Variants in ARHGEF38 observed in about 807,000 individuals in gnomAD.
The protein encoded by ARHGEF38 is Rho guanine nucleotide exchange factor 38.
Under a neutral mutation model 79.9 loss-of-function variants are expected in ARHGEF38, and 79 were observed. That is an observed-to-expected ratio of 0.99 (90% CI 0.82 to 1.19). The LOEUF is 1.19. Among genes scored for constraint, ARHGEF38 ranks in the 50% most tolerant of loss-of-function variants. The pLI is 0.00. For missense variants in ARHGEF38, 962 were observed against 907.2 expected (o/e 1.06, Z -0.78); for synonymous variants, 366 against 328.3 (o/e 1.11, Z -1.24).
At position 105,670,791 on chromosome 4, in the gene ARHGEF38, A is replaced by G. The variant is rs1003349083; in HGVS notation, c.2148+3088A>G. ...TCCTGTCAGACTTTGCCTTGTCCCA[A>G]TAACCTAGATGGACAGAAATCTGAG... On this transcript the variant is annotated intron_variant, in intron 13 of 13. Coordinates refer to ENST00000420470, the MANE Select transcript of ARHGEF38 (RefSeq NM_001242729.2). Among the ~76,000 whole-genome samples, 68 of 152,314 alleles carry G rather than the reference A, an allele frequency of 4.5e-4. 1 individual carries two copies. Among genetic ancestry groups the G allele is most frequent in the African/African-American group, 1.6e-3 (65 of 41,568 alleles).
rs542615010 is a variant in ARHGEF38, at chr4:105,623,746, G to A, written c.509-7152G>A. On this transcript the variant is annotated intron_variant, in intron 3 of 13. Transcript: ENST00000420470. ...TACTGAGACAAAAACAGTAAGAGCT[G>A]ATTTGCCCAATTTATATTAGTAACT... 3.3e-5 allele frequency among the ~76,000 whole-genome samples: 5 copies of A among 152,298 alleles called. No individual in the cohort carries two copies. The South Asian group carries it at 1.0e-3, about 32-fold the overall frequency.
rs77672332 is a variant in ARHGEF38, at chr4:105,647,565, T to A, written c.875-984T>A. Among the ~76,000 whole-genome samples the A allele has an allele frequency of 9.8e-3, 1,492 of 152,330 alleles. 9 individuals are homozygous for A. Among genetic ancestry groups the A allele is most frequent in the Non-Finnish European group, 0.016 (1,111 of 68,020 alleles). On this transcript the variant is annotated intron_variant, in intron 6 of 13. Coordinates refer to ENST00000420470, the MANE Select transcript of ARHGEF38 (RefSeq NM_001242729.2). ...GTATACTTGATTATGGAAAGCAGATTCTCTGCATGAACTTCCTGGTAATAG... is the reference window on the plus strand; with the variant it reads ...GTATACTTGATTATGGAAAGCAGATACTCTGCATGAACTTCCTGGTAATAG...
At position 105,629,627 on chromosome 4, in the gene ARHGEF38, A is replaced by G. The variant is rs181789410; in HGVS notation, c.509-1271A>G. On this transcript the variant is annotated intron_variant, in intron 3 of 13. Coordinates refer to ENST00000420470, the MANE Select transcript of ARHGEF38 (RefSeq NM_001242729.2). ...GTTTTGAGAGCTGACCCTGTCACAT[A>G]TTGCTTGGATATCTGCCAAATAATT... Among the ~76,000 whole-genome samples the G allele has an allele frequency of 5.5e-5, 7 of 126,370 alleles. No individual in the cohort carries two copies. The East Asian group carries it at 1.5e-3, about 26-fold the overall frequency. The allele number at this position is 126,370 out of a possible 152,430, so 82.9% of individuals were successfully genotyped here.
At position 105,667,985 on chromosome 4, in the gene ARHGEF38, A is replaced by T. The variant is rs562480261; in HGVS notation, c.2148+282A>T. Among the ~76,000 whole-genome samples, 16 of 152,312 alleles carry T rather than the reference A, an allele frequency of 1.1e-4. No homozygotes were observed. In the East Asian group the frequency reaches 3.1e-3, roughly 29 times the overall value. On this transcript the variant is annotated intron_variant, in intron 13 of 13. Transcript: ENST00000420470. Reference sequence around the variant, plus strand: ...ATTACTATTACTACCCTGCTGTTACATACTTACAGCAAAGTATCTTTTTAT... The same window carrying T: ...ATTACTATTACTACCCTGCTGTTACTTACTTACAGCAAAGTATCTTTTTAT...
intron 2 of ARHGEF38, 66 bp from the exon 3 acceptor site, chr4:105,613,318 T>C (rs1728374672): frequency 6.5e-7 from 1 of 1,542,212 alleles, no homozygotes; most frequent in African/African-American, 1.4e-5. Flanking sequence ...ATGCTTACTG[T>C]TTAGGAGGAG....
intron 3 of ARHGEF38, among the ~76,000 whole-genome samples, chr4:105,628,548 A>T (rs1034892858): frequency 6.6e-6 from 1 of 152,184 alleles, no homozygotes; most frequent in African/African-American, 2.4e-5. Flanking sequence ...AATCCATATG[A>T]CCTACACTAG....
chr4:105,598,327 C>T (rs1727671898), intron 2 of ARHGEF38, among the ~76,000 whole-genome samples: 1 of 152,126 alleles, frequency 6.6e-6, no homozygotes, highest in African/African-American at 2.4e-5. Flanking sequence ...GATATCCAAA[C>T]CAGGCTGATA....
At chr4:105,566,549 C>A (rs1725898050) in intron 1 of ARHGEF38, among the ~76,000 whole-genome samples, 1 of 152,108 alleles carries the variant, frequency 6.6e-6, no homozygotes. Context: ...AGCATTTATC[C>A]TTTGTGTTAC....
At position 105,679,699 on chromosome 4, in the gene ARHGEF38, C is replaced by T; in HGVS notation, c.*1762C>T. 3 of 794,982 alleles carry T rather than the reference C, an allele frequency of 3.8e-6. No homozygotes were observed. The highest frequency in any genetic ancestry group is 6.8e-6 in the Non-Finnish European group (3 of 439,346). 49.2% of individuals were successfully genotyped at this position (794,982 alleles called of 1,614,324 possible). A position where few individuals can be genotyped will look rare whatever the true frequency, so the allele number is the denominator to read the frequency against. ...ATCCATTGTAGAAGGAACACCTACA[C>T]ATTTAAAAGTAATTTGTGTTTTTTG... On this transcript the variant is annotated 3_prime_UTR_variant, in exon 14 of 14. Transcript: ENST00000420470.
chr4:105,561,505 GAATAGAATAGAATAGAATAGAATA>G, intron 1 of ARHGEF38: 1 of 146,826 alleles, frequency 6.8e-6, no homozygotes, highest in Admixed American at 6.8e-5. Flanking sequence ...GAATAGAATA[GAATAGAATAGAATAGAATAGAATA>G]GAATAGAATA....
At chr4:105,676,938 G>A (rs181710867) in intron 13 of ARHGEF38, among the ~76,000 whole-genome samples, 253 of 151,440 alleles carry the variant, frequency 1.7e-3, no homozygotes, top group African/African-American at 4.8e-3. Flanking sequence ...GTCTCAGAAA[G>A]CATCGTTTTT....
intron 3 of ARHGEF38, among the ~76,000 whole-genome samples, chr4:105,621,131 T>C (rs753958526): frequency 6.6e-6 from 1 of 152,172 alleles, no homozygotes; most frequent in African/African-American, 2.4e-5. Flanking sequence ...TCTCGGACAT[T>C]AAAACCCAGA....
intron 2 of ARHGEF38, among the ~76,000 whole-genome samples, chr4:105,602,050 G>C (rs1218470400): frequency 1.3e-5 from 2 of 152,124 alleles, no homozygotes; most frequent in Non-Finnish European, 2.9e-5. Context: ...GAAATGAGTG[G>C]ATGAACAACT....
At chr4:105,644,101 C>G (rs1407020364) in intron 5 of ARHGEF38, among the ~76,000 whole-genome samples, 1 of 151,954 alleles carries the variant, frequency 6.6e-6, no homozygotes, top group African/African-American at 2.4e-5. Context: ...CTCCTGGGCT[C>G]AAGTAATCTG....
At chr4:105,636,882 A>T (rs1280242838) in intron 5 of ARHGEF38, among the ~76,000 whole-genome samples, 1 of 152,136 alleles carries the variant, frequency 6.6e-6, no homozygotes, top group Non-Finnish European at 1.5e-5. Flanking sequence ...GGAGAAAAAA[A>T]TCATACACAT....
At chr4:105,602,649 G>A (rs1727873308) in intron 2 of ARHGEF38, among the ~76,000 whole-genome samples, 1 of 152,074 alleles carries the variant, frequency 6.6e-6, no homozygotes, top group African/African-American at 2.4e-5. Context: ...TAGTGGTACA[G>A]CTAATAGATG....
At chr4:105,628,430 C>T (rs941946662) in intron 3 of ARHGEF38, among the ~76,000 whole-genome samples, 1 of 152,224 alleles carries the variant, frequency 6.6e-6, no homozygotes, top group Non-Finnish European at 1.5e-5. Flanking sequence ...CTACCTGGTT[C>T]TGCTACTGGG....
At chr4:105,582,037 C>T (rs142718298) in intron 1 of ARHGEF38, among the ~76,000 whole-genome samples, 18 of 151,542 alleles carry the variant, frequency 1.2e-4, no homozygotes, top group African/African-American at 3.4e-4. Context: ...TGGTGGCGGG[C>T]GCCTGTAATC....
At chr4:105,645,457 GA>G in intron 6 of ARHGEF38, 70 bp downstream of exon 6, 1 of 1,284,142 alleles carries the variant, frequency 7.8e-7, no homozygotes, top group Admixed American at 2.6e-5. Context: ...CTGAGAATCA[GA>G]ATGTTTAAGT....
Sources: allele counts gnomAD v4.1 joint callset (sites outside exome capture counted in the v4.1 genomes callset), GRCh38; gene constraint gnomAD v4.1.1; transcripts MANE v1.5; gene names NCBI Gene and HGNC (gene_info 2026-07-23, HGNC 2026-07-21).